Variants in TMEM79 observed in about 807,000 individuals in gnomAD.
The protein encoded by TMEM79 is mattrin.
In TMEM79, 30 loss-of-function variants were observed where a neutral mutation model predicts 31.2. The observed-to-expected ratio is 0.96, with a 90% confidence interval of 0.72 to 1.30. The LOEUF is 1.30. Ranked by LOEUF, TMEM79 falls within the 50% of genes most tolerant of loss-of-function variation. The pLI is 0.00. For synonymous variants in TMEM79, 213 were observed against 229.5 expected (o/e 0.93, Z 0.65); for missense variants, 509 against 528.2 (o/e 0.96, Z 0.36).
chr1:156,285,798 G>C lies in TMEM79; in HGVS notation c.572G>C (p.Ser191Thr), dbSNP rs768421803. Residue 191 changes from serine (S) to threonine (T), a missense_variant, in exon 2 of 4, where the codon AGC becomes ACC. Coordinates refer to ENST00000405535, the MANE Select transcript of TMEM79 (RefSeq NM_032323.3). ...PPGCSCGGCG[S>T]CGDREWLRAV... ...GGCTGTTCCTGTGGGGGCTGCGGGAGCTGTGGAGACCGTGAGTGGCTAAGG... is the reference window on the plus strand; with the variant it reads ...GGCTGTTCCTGTGGGGGCTGCGGGACCTGTGGAGACCGTGAGTGGCTAAGG... 3 of 1,613,582 alleles carry C rather than the reference G, an allele frequency of 1.9e-6. No individual in the cohort carries two copies. Among genetic ancestry groups the C allele is most frequent in the African/African-American group, 2.7e-5 (2 of 74,952 alleles).
At chr1:156,283,697 A>G (rs775786510), upstream of TMEM79, among the ~76,000 whole-genome samples, 1 of 152,146 alleles carries the variant, frequency 6.6e-6, no homozygotes, top group Admixed American at 6.5e-5. Context: ...TTCTACCACT[A>G]TGCTCCTGGC....
upstream of TMEM79, among the ~76,000 whole-genome samples, chr1:156,284,092 C>G (rs534063112): frequency 2.6e-5 from 4 of 152,352 alleles, no homozygotes; most frequent in East Asian, 7.7e-4. Context: ...CACTTTTCTC[C>G]CTCTGCTTTC....
intron 1 of TMEM79, among the ~76,000 whole-genome samples, 166 bp downstream of exon 1, chr1:156,284,572 A>C (rs1663094148): frequency 6.6e-6 from 1 of 152,168 alleles, no homozygotes; most frequent in Non-Finnish European, 1.5e-5. Flanking sequence ...ATATCAGAAT[A>C]GCAGACCCAG....
In TMEM79 at chr1:156,287,986, G is replaced by A. The variant is rs56264946; in HGVS notation, c.971+1513G>A. Among the ~76,000 whole-genome samples the A allele has an allele frequency of 5.3e-5, 8 of 151,888 alleles. No individual in the cohort carries two copies. In the South Asian group the frequency reaches 1.2e-3, roughly 24 times the overall value. ...TAGGGGTACTTTGGGAGGCGGAGGC[G>A]GGCAGATCATGAGGTCAGGAGATTG... On this transcript the variant is annotated intron_variant, in intron 3 of 3. Transcript: ENST00000405535.
At position 156,291,700 on chromosome 1, in the gene TMEM79, G is replaced by C. The variant is rs3795728; in HGVS notation, c.*102G>C. 229,308 of 1,037,842 alleles carry C rather than the reference G, an allele frequency of 0.22. 27,189 individuals carry two copies. The highest frequency in any genetic ancestry group is 0.36 in the Admixed American group (17,743 of 49,462). 64.3% of individuals were successfully genotyped at this position (1,037,842 alleles called of 1,614,324 possible). A position where few individuals can be genotyped will look rare whatever the true frequency, so the allele number is the denominator to read the frequency against. ...GGACTTCGCCCCCAGGCCTAGGACC[G>C]CGGTGGGTGGAACCCTGCTACTGCC... On this transcript the variant is annotated 3_prime_UTR_variant, in exon 4 of 4. Coordinates refer to ENST00000405535, the MANE Select transcript of TMEM79 (RefSeq NM_032323.3).
At position 156,291,707 on chromosome 1, in the gene TMEM79, G is replaced by A; in HGVS notation, c.*109G>A. 2 of 927,742 alleles carry A rather than the reference G, an allele frequency of 2.2e-6. No individual in the cohort carries two copies. Among genetic ancestry groups the A allele is most frequent in the Non-Finnish European group, 3.4e-6 (2 of 590,980 alleles). The allele number at this position is 927,742 out of a possible 1,614,324, so 57.5% of individuals were successfully genotyped here. On this transcript the variant is annotated 3_prime_UTR_variant, in exon 4 of 4. Coordinates refer to ENST00000405535, the MANE Select transcript of TMEM79 (RefSeq NM_032323.3). ...GCCCCCAGGCCTAGGACCGCGGTGG[G>A]TGGAACCCTGCTACTGCCCCAACAG...
chr1:156,286,441 C>A lies in TMEM79; in HGVS notation c.939C>A (p.Leu313=), dbSNP rs1288115451. 1 of 1,614,076 alleles carries A rather than the reference C, an allele frequency of 6.2e-7. No individual in the cohort carries two copies. The highest frequency in any genetic ancestry group is 8.5e-7 in the Non-Finnish European group (1 of 1,180,034). ...TGCCCCAGGATACCCTCAAACTGCT[C>A]CCTCTGCTCACTGGTCTCTTTGCCG... ...TYLPQDTLKL[L]PLLTGLFAVS... The change falls in exon 3 of 4, where the codon CTC becomes CTA. Residue 313 remains leucine (L), a synonymous_variant. Transcript: ENST00000405535.
Position 156,291,809 on chromosome 1 carries a change from G to T in TMEM79, c.*211G>T. 1.7e-6 allele frequency: 1 copy of T among 601,602 alleles called. No homozygotes were observed. The highest frequency in any genetic ancestry group is 3.0e-6 in the Non-Finnish European group (1 of 337,434). 37.3% of individuals were successfully genotyped at this position (601,602 alleles called of 1,614,324 possible). ...GGGGCCCGAGACAGTCATAAGGGAT[G>T]GACTTAGTTTTCTTGCAGGGAAAAA... On this transcript the variant is annotated 3_prime_UTR_variant, in exon 4 of 4. Coordinates refer to ENST00000405535, the MANE Select transcript of TMEM79 (RefSeq NM_032323.3).
At chr1:156,290,901 G>C (rs1173370764) in intron 3 of TMEM79, 2 of 156,152 alleles carry the variant, frequency 1.3e-5, no homozygotes, top group African/African-American at 4.8e-5. Flanking sequence ...TGCCTGGGGT[G>C]GGGGTGGGGG....
chr1:156,282,967 G>A, upstream of TMEM79: 1 of 531,144 alleles, frequency 1.9e-6, no homozygotes, highest in Non-Finnish European at 3.3e-6. Context: ...GCGTCTTTCC[G>A]GCTTCTCCAA....
In TMEM79 at chr1:156,285,888, T is replaced by C. The variant is rs773689203; in HGVS notation, c.662T>C (p.Phe221Ser). ...TGCCTACTATACGGGGCATATGCCTTCCTGCCGTTTGATGTCCCACGGCTG... is the reference window on the plus strand; with the variant it reads ...TGCCTACTATACGGGGCATATGCCTCCCTGCCGTTTGATGTCCCACGGCTG... Reference protein sequence around the residue: ...FPCLLYGAYAFLPFDVPRLPT... With the variant: ...FPCLLYGAYASLPFDVPRLPT... The change falls in exon 2 of 4, where the codon TTC becomes TCC. Residue 221 changes from phenylalanine (F) to serine (S), a missense_variant. By Grantham distance (155) the Phe-to-Ser change is radical. Coordinates refer to ENST00000405535, the MANE Select transcript of TMEM79 (RefSeq NM_032323.3). The C allele has an allele frequency of 4.3e-6, 7 of 1,613,882 alleles. No homozygotes were observed. Among genetic ancestry groups the C allele is most frequent in the Non-Finnish European group, 5.9e-6 (7 of 1,179,980 alleles).
chr1:156,285,790 C>G lies in TMEM79; in HGVS notation c.564C>G (p.Gly188=). 1 of 1,613,496 alleles carries G rather than the reference C, an allele frequency of 6.2e-7. No individual in the cohort carries two copies. Among genetic ancestry groups the G allele is most frequent in the South Asian group, 1.1e-5 (1 of 91,048 alleles). Residue 188 remains glycine, a synonymous_variant, in exon 2 of 4, where the codon GGC becomes GGG. Coordinates refer to ENST00000405535, the MANE Select transcript of TMEM79 (RefSeq NM_032323.3). ...GGCCGCCTGGCTGTTCCTGTGGGGG[C>G]TGCGGGAGCTGTGGAGACCGTGAGT... The part of the protein sequence containing the change: ...VVRPPGCSCG[G]CGSCGDREWL...
intron 3 of TMEM79, chr1:156,290,956 A>G (rs1448804050): frequency 1.7e-5 from 3 of 177,668 alleles, no homozygotes; most frequent in African/African-American, 7.1e-5. Flanking sequence ...ATTTTACTAT[A>G]CTCATTGAAT....
chr1:156,286,604 A>G (rs911358644), intron 3 of TMEM79, 131 bp downstream of exon 3: 1 of 879,470 alleles, frequency 1.1e-6, no homozygotes, highest in African/African-American at 1.7e-5. Context: ...CCCTGGGGAG[A>G]TAAGTCCACC....
intron 3 of TMEM79, among the ~76,000 whole-genome samples, chr1:156,289,307 T>C (rs558784664): frequency 6.6e-6 from 1 of 152,216 alleles, no homozygotes; most frequent in South Asian, 2.1e-4. Flanking sequence ...ACCCCATCTC[T>C]AATAAAAATA....
chr1:156,291,315 C>G, intron 3 of TMEM79, 70 bp from the exon 4 acceptor site: 1 of 1,443,838 alleles, frequency 6.9e-7, no homozygotes, highest in Non-Finnish European at 9.7e-7. Flanking sequence ...CTCCCCCCAC[C>G]GTCAGCCTAT....
In TMEM79 at chr1:156,291,902, C is replaced by G. The variant is rs1034442880; in HGVS notation, c.*304C>G. 1 of 578,626 alleles carries G rather than the reference C, an allele frequency of 1.7e-6. No homozygotes were observed. The highest frequency in any genetic ancestry group is 3.0e-5 in the Admixed American group (1 of 33,082). 35.8% of individuals were successfully genotyped at this position (578,626 alleles called of 1,614,324 possible). A position where few individuals can be genotyped will look rare whatever the true frequency, so the allele number is the denominator to read the frequency against. On this transcript the variant is annotated 3_prime_UTR_variant, in exon 4 of 4. Coordinates refer to ENST00000405535, the MANE Select transcript of TMEM79 (RefSeq NM_032323.3). ...CAGGACCAGGGGAGAGGCACAGCTC[C>G]TTCCTGAGCAGCCTCTCACCACTGC...
upstream of TMEM79, chr1:156,282,932 G>A: frequency 1.8e-6 from 1 of 551,664 alleles, no homozygotes; most frequent in Non-Finnish European, 3.2e-6. Context: ...CCGGGAAGTT[G>A]CCAGAACTAA....
rs753969980 is a variant in TMEM79, at chr1:156,285,467, GGCCC to G, written c.242_245del (p.Gly81ValfsTer29). The G allele has an allele frequency of 1.9e-6, 3 of 1,614,096 alleles. No homozygotes were observed. The East Asian group carries it at 6.7e-5, about 36-fold the overall frequency. On this transcript the variant is annotated frameshift_variant, in exon 2 of 4. Transcript: ENST00000405535. LOFTEE classifies it high-confidence loss of function. The stretch of plus-strand genomic sequence containing the variant: ...GGCTGCCACCTTGCCCTGGGGGACT[GGCCC>G]TCAGCCCAGTGCTCCGTTCCCGGAT...
Sources: allele counts gnomAD v4.1 joint callset (sites outside exome capture counted in the v4.1 genomes callset), GRCh38; gene constraint gnomAD v4.1.1; transcripts MANE v1.5; gene names NCBI Gene and HGNC (gene_info 2026-07-23, HGNC 2026-07-21).